The following SREK1IP1 variants were observed in gnomAD, a reference collection of about 807,000 sequenced individuals.
SREK1IP1 encodes the protein protein SREK1IP1.
Under a neutral mutation model 22.8 loss-of-function variants are expected in SREK1IP1, and 12 were observed. That is an observed-to-expected ratio of 0.53 (90% CI 0.34 to 0.85). SREK1IP1 has a LOEUF of 0.85. Ranked by LOEUF, SREK1IP1 falls within the 40% of genes least tolerant of loss-of-function variation. The pLI, the probability that SREK1IP1 is intolerant of heterozygous loss-of-function variation, is 0.02. For missense variants in SREK1IP1, 147 were observed against 171.8 expected, an observed-to-expected ratio of 0.86 and a Z score of 0.81; for synonymous variants, 53 against 52.7, an observed-to-expected ratio of 1.01 and a Z score of -0.02.
At chr5:64,758,081 T>A (rs1013839610) in intron 1 of SREK1IP1, among the ~76,000 whole-genome samples, 1 of 151,916 alleles carries the variant, frequency 6.6e-6, no homozygotes, top group African/African-American at 2.4e-5. Context: ...TTTCACCATG[T>A]TAGCCAGGAT....
chr5:64,718,926 C>T lies in SREK1IP1; in HGVS notation c.*5458G>A, dbSNP rs1742101813. The T allele has an allele frequency of 6.6e-6, 1 of 152,186 alleles. No individual in the cohort carries two copies. Among genetic ancestry groups the T allele is most frequent in the Admixed American group, 6.5e-5 (1 of 15,278 alleles). The allele number at this position is 152,186 out of a possible 1,614,324, so 9.4% of individuals were successfully genotyped here. On this transcript the variant is annotated 3_prime_UTR_variant, in exon 5 of 5. Coordinates refer to ENST00000513458, the MANE Select transcript of SREK1IP1 (RefSeq NM_173829.4). The stretch of plus-strand genomic sequence containing the variant: ...AGGGTGGTATGGCCATAGCCAAAAA[C>T]TAGCATTTCAAAATGTGCTGAATAC...
rs1742212122 is a variant in SREK1IP1 at position 64,723,651 on chromosome 5, T to A, written c.*733A>T. 6.6e-6 allele frequency: 1 copy of A among 152,624 alleles called. No homozygotes were observed. The highest frequency in any genetic ancestry group is 1.5e-5 in the Non-Finnish European group (1 of 68,034). 9.5% of individuals were successfully genotyped at this position (152,624 alleles called of 1,614,324 possible). ...AAATCACAACCAACTCAGCATCATC[T>A]CTGCAGACTTACTAACAGGCTGAAC... On this transcript the variant is annotated 3_prime_UTR_variant, in exon 5 of 5. Transcript: ENST00000513458.
chr5:64,730,908 A>G (rs1742367110), intron 3 of SREK1IP1, among the ~76,000 whole-genome samples: 1 of 152,092 alleles, frequency 6.6e-6, no homozygotes, highest in Admixed American at 6.5e-5. Context: ...AGAAAGGAGT[A>G]AGGCAGTTAC....
chr5:64,726,519 TGA>T (rs1410850114), intron 4 of SREK1IP1, among the ~76,000 whole-genome samples: 5 of 145,610 alleles, frequency 3.4e-5, no homozygotes, highest in African/African-American at 1.3e-4. Context: ...GAGCTTGAAG[TGA>T]GCTGAGACTG....
chr5:64,719,862 T>C lies in SREK1IP1; in HGVS notation c.*4522A>G, dbSNP rs1005786168. The stretch of plus-strand genomic sequence containing the variant: ...GACTGGCCTTCGCAACTGGGATTAT[T>C]GTCACACTGGTATAAGAAACCTACT... On this transcript the variant is annotated 3_prime_UTR_variant, in exon 5 of 5. Transcript: ENST00000513458. The C allele has an allele frequency of 2.6e-5, 4 of 152,366 alleles. No homozygotes were observed. The highest frequency in any genetic ancestry group is 9.6e-5 in the African/African-American group (4 of 41,586). 9.4% of individuals were successfully genotyped at this position (152,366 alleles called of 1,614,324 possible).
intron 4 of SREK1IP1, among the ~76,000 whole-genome samples, chr5:64,725,704 C>T (rs56280150): frequency 0.17 from 25,451 of 151,998 alleles, 2,590 homozygotes; most frequent in Non-Finnish European, 0.23. Flanking sequence ...TATTCTCCTG[C>T]ACCCTTGCCT....
At chr5:64,749,065 AAT>A (rs1352541706) in intron 2 of SREK1IP1, among the ~76,000 whole-genome samples, 2 of 87,032 alleles carry the variant, frequency 2.3e-5, no homozygotes, top group Non-Finnish European at 4.2e-5. Flanking sequence ...GCCACATAAT[AAT>A]AATAATAATA....
chr5:64,761,489 A>G (rs1742951802), intron 1 of SREK1IP1, among the ~76,000 whole-genome samples: 1 of 152,210 alleles, frequency 6.6e-6, no homozygotes, highest in South Asian at 2.1e-4. Context: ...CCTAGGCTAT[A>G]TGGTATAGCC....
At chr5:64,767,116 A>G (rs1028103995) in intron 1 of SREK1IP1, among the ~76,000 whole-genome samples, 1 of 151,988 alleles carries the variant, frequency 6.6e-6, no homozygotes, top group Non-Finnish European at 1.5e-5. Context: ...AACATCTTTC[A>G]TTTCCTCTTT....
chr5:64,765,136 AG>A (rs1430137648), intron 1 of SREK1IP1: 1 of 152,256 alleles, frequency 6.6e-6, no homozygotes, highest in African/African-American at 2.4e-5. Context: ...GAATGGGAAA[AG>A]CAGTTTTTTC....
intron 3 of SREK1IP1, among the ~76,000 whole-genome samples, chr5:64,740,090 C>G (rs1742528324): frequency 6.6e-6 from 1 of 151,928 alleles, no homozygotes; most frequent in African/African-American, 2.4e-5. Flanking sequence ...CGTTTAATCC[C>G]TAAAAACCCC....
intron 3 of SREK1IP1, among the ~76,000 whole-genome samples, chr5:64,734,767 T>C (rs181723758): frequency 1.1e-3 from 161 of 152,236 alleles, no homozygotes; most frequent in African/African-American, 3.7e-3. Flanking sequence ...TTGTAGACTC[T>C]TGCAACTTTG....
At chr5:64,733,602 T>C (rs1742412684) in intron 3 of SREK1IP1, among the ~76,000 whole-genome samples, 1 of 152,088 alleles carries the variant, frequency 6.6e-6, no homozygotes, top group Non-Finnish European at 1.5e-5. Context: ...TGACAGTTTA[T>C]TAGGAAACAA....
At chr5:64,724,937 C>T (rs76796713) in intron 4 of SREK1IP1, among the ~76,000 whole-genome samples, 10,217 of 152,120 alleles carry the variant, frequency 0.067, 1,121 homozygotes, top group African/African-American at 0.23. Context: ...CTTGTGTATA[C>T]AATAACTTCG....
chr5:64,735,234 T>C (rs1561385187), intron 3 of SREK1IP1, among the ~76,000 whole-genome samples: 1 of 152,034 alleles, frequency 6.6e-6, no homozygotes, highest in African/African-American at 2.4e-5. Flanking sequence ...ATTCCTGAAA[T>C]AAAACCAACT....
At chr5:64,742,350 TAAC>T (rs1742565761) in intron 2 of SREK1IP1, among the ~76,000 whole-genome samples, 1 of 152,108 alleles carries the variant, frequency 6.6e-6, no homozygotes, top group South Asian at 2.1e-4. Flanking sequence ...CAAGTTTTCT[TAAC>T]AACCGAGAAC....
At chr5:64,740,176 T>C (rs1007565266) in intron 3 of SREK1IP1, among the ~76,000 whole-genome samples, 2 of 151,980 alleles carry the variant, frequency 1.3e-5, no homozygotes, top group African/African-American at 4.8e-5. Context: ...CCACTCTCTC[T>C]CTAGGGAGAG....
intron 4 of SREK1IP1, chr5:64,727,553 A>ATATATATATATATATATATTTT: frequency 5.9e-5 from 5 of 84,716 alleles, no homozygotes; most frequent in African/African-American, 2.7e-4. Flanking sequence ...ATATATATAT[A>ATATATATATATATATATATTTT]TTTTTTTTTT....
chr5:64,724,414 T>C lies in SREK1IP1; in HGVS notation c.438A>G (p.Thr146=), dbSNP rs16879016. ...TTCTGGAGAATTCAGAACTATTAGG[T>C]GTAGAAGAATGCTTTTCCTTTTTTC... The part of the protein sequence containing the change: ...KKRKKEKHSS[T]PNSSEFSRK Residue 146 remains threonine, a synonymous_variant, in exon 5 of 5, where the codon ACA becomes ACG. Coordinates refer to ENST00000513458, the MANE Select transcript of SREK1IP1 (RefSeq NM_173829.4). 0.028 allele frequency: 44,115 copies of C among 1,579,548 alleles called. 6,861 individuals carry two copies. In the African/African-American group the frequency reaches 0.42, roughly 15 times the overall value.
Sources: allele counts gnomAD v4.1 joint callset (sites outside exome capture counted in the v4.1 genomes callset), GRCh38; gene constraint gnomAD v4.1.1; transcripts MANE v1.5; gene names NCBI Gene and HGNC (gene_info 2026-07-23, HGNC 2026-07-21).